FRMD6: variants seen among roughly 807,000 people sequenced by gnomAD.
FRMD6 encodes FERM domain-containing protein 6.
FRMD6 carries 37 observed loss-of-function variants against 73.2 expected under a neutral mutation model. The observed-to-expected ratio is 0.51, with a 90% CI of 0.39 to 0.66. The LOEUF (loss-of-function observed/expected upper bound fraction) is 0.66, where lower values mean the gene tolerates loss of function less well. Among genes scored for constraint, FRMD6 ranks in the 30% least tolerant of loss-of-function variants. The pLI is 0.00. For synonymous variants in FRMD6, 273 were observed against 282.2 expected (o/e 0.97, Z 0.33); for missense variants, 714 against 780.5 (o/e 0.91, Z 1.02).
chr14:51,657,273 A>G (rs1439329214), intron 1 of FRMD6, among the ~76,000 whole-genome samples: 1 of 152,150 alleles, frequency 6.6e-6, no homozygotes, highest in Non-Finnish European at 1.5e-5. Context: ...ATTATACACA[A>G]CCAGACAAAT....
At chr14:51,618,956 C>A (rs1483015452) in intron 2 of FRMD6, among the ~76,000 whole-genome samples, 1 of 149,996 alleles carries the variant, frequency 6.7e-6, no homozygotes, top group African/African-American at 2.4e-5. Context: ...ATAAAGAAGT[C>A]CAGATGATTC....
chr14:51,553,325 A>G (rs913233743), intron 1 of FRMD6, among the ~76,000 whole-genome samples: 2 of 152,226 alleles, frequency 1.3e-5, no homozygotes, highest in African/African-American at 4.8e-5. Context: ...GGATGGGAAC[A>G]TAGCTTTAAT....
the FRMD6 span, among the ~76,000 whole-genome samples, chr14:51,468,965 G>C: frequency 2.6e-5 from 4 of 152,052 alleles, no homozygotes; most frequent in African/African-American, 9.7e-5. Context: ...GTTTGAGATG[G>C]TGTTTTGCTC....
At chr14:51,508,765 T>C (rs1884124245) in intron 1 of FRMD6, among the ~76,000 whole-genome samples, 1 of 152,212 alleles carries the variant, frequency 6.6e-6, no homozygotes, top group Non-Finnish European at 1.5e-5. Flanking sequence ...AATTACAGTC[T>C]CTTGCCTATA....
chr14:51,556,683 G>A (rs1162496425), intron 1 of FRMD6, among the ~76,000 whole-genome samples: 1 of 152,142 alleles, frequency 6.6e-6, no homozygotes, highest in African/African-American at 2.4e-5. Context: ...CCAATTCGTA[G>A]TCCATTCTAG....
chr14:51,708,506 G>A (rs1896761431), intron 7 of FRMD6, among the ~76,000 whole-genome samples: 1 of 152,004 alleles, frequency 6.6e-6, no homozygotes, highest in African/African-American at 2.4e-5. Context: ...GACTTTTTTA[G>A]TGATTATGGC....
chr14:51,669,287 C>T (rs560598274), intron 1 of FRMD6, among the ~76,000 whole-genome samples: 1 of 152,162 alleles, frequency 6.6e-6, no homozygotes, highest in African/African-American at 2.4e-5. Flanking sequence ...ATTCATTTAC[C>T]TGTTAGTGGA....
intron 2 of FRMD6, 170 bp from the exon 3 acceptor site, chr14:51,697,972 A>G: frequency 1.9e-6 from 1 of 537,838 alleles, no homozygotes; most frequent in Non-Finnish European, 3.4e-6. Flanking sequence ...GATCATCATT[A>G]CTGAAACACA....
At chr14:51,419,742 T>G in the FRMD6 span, among the ~76,000 whole-genome samples, 1 of 152,244 alleles carries the variant, frequency 6.6e-6, no homozygotes, top group Non-Finnish European at 1.5e-5. Context: ...TATTTGATTT[T>G]CTTTCAAAGA....
intron 1 of FRMD6, among the ~76,000 whole-genome samples, chr14:51,652,405 CGCGGAGGTCCCCGGATCACAGG>C (rs1892484046): frequency 6.6e-6 from 1 of 152,172 alleles, no homozygotes; most frequent in Non-Finnish European, 1.5e-5. Context: ...TTCTCTGCAT[CGCGGAGGTCCCCGGATCACAGG>C]GCTCCCTGGC....
chr14:51,433,796 CT>C, the FRMD6 span, among the ~76,000 whole-genome samples: 1 of 152,140 alleles, frequency 6.6e-6, no homozygotes, highest in Admixed American at 6.5e-5. Flanking sequence ...GAATGTCCCC[CT>C]CTCCCATTAT....
chr14:51,644,414 C>CTCT lies in FRMD6; in HGVS notation c.-146-45277_-146-45276insTCT, dbSNP rs397718446. ...TCACTCACTCTCTCTCTCTCTCTCTCCCTCCCTGATCTCTACGTGTAATTT... is the reference window on the plus strand; with the variant it reads ...TCACTCACTCTCTCTCTCTCTCTCTCTCTCCTCCCTGATCTCTACGTGTAATTT... On this transcript the variant is annotated intron_variant, in intron 2 of 14. Coordinates refer to the FRMD6 transcript ENST00000356218. Among the ~76,000 whole-genome samples, 1,125 of 150,724 alleles carry CTCT rather than the reference C, an allele frequency of 7.5e-3. 13 individuals are homozygous for CTCT. The highest frequency in any genetic ancestry group is 0.026 in the African/African-American group (1,055 of 41,050).
the FRMD6 span, among the ~76,000 whole-genome samples, chr14:51,405,315 T>A: frequency 6.6e-6 from 1 of 152,184 alleles, no homozygotes; most frequent in South Asian, 2.1e-4. Flanking sequence ...CTGGGTCTAA[T>A]GGTAGTTTTG....
chr14:51,434,396 C>T, the FRMD6 span, among the ~76,000 whole-genome samples: 8 of 152,128 alleles, frequency 5.3e-5, no homozygotes, highest in African/African-American at 1.4e-4. Flanking sequence ...TAGTCTGGAA[C>T]ATCTTGTGAT....
In FRMD6 at chr14:51,728,038, T is replaced by G. The variant is rs1006320373; in HGVS notation, c.*9T>G. On this transcript the variant is annotated 3_prime_UTR_variant, in exon 14 of 14. Coordinates refer to ENST00000344768, the MANE Select transcript of FRMD6 (RefSeq NM_001267046.2). ...CAGAGTTTGTTGTGTAAAGTCCGTCTGTGTGCAGCTGTACAGGCAGCTTAC... is the reference window on the plus strand; with the variant it reads ...CAGAGTTTGTTGTGTAAAGTCCGTCGGTGTGCAGCTGTACAGGCAGCTTAC... 12 of 1,599,216 alleles carry G rather than the reference T, an allele frequency of 7.5e-6. No individual in the cohort carries two copies. Among genetic ancestry groups the G allele is most frequent in the African/African-American group, 1.3e-5 (1 of 74,798 alleles).
chr14:51,550,758 C>T (rs1886778554), intron 1 of FRMD6, among the ~76,000 whole-genome samples: 1 of 152,182 alleles, frequency 6.6e-6, no homozygotes, highest in Admixed American at 6.5e-5. Context: ...TTCATCATGT[C>T]TGTGAAATAC....
chr14:51,494,867 C>T (rs142878129), intron 1 of FRMD6, among the ~76,000 whole-genome samples: 1 of 152,306 alleles, frequency 6.6e-6, no homozygotes, highest in African/African-American at 2.4e-5. Context: ...TGACTAATTT[C>T]CTTGTCAACT....
chr14:51,713,911 G>GT (rs1164841656), intron 9 of FRMD6: 1 of 152,116 alleles, frequency 6.6e-6, no homozygotes, highest in African/African-American at 2.4e-5. Flanking sequence ...GAAATTGAGG[G>GT]TTTTTTAGGG....
upstream of FRMD6, chr14:51,649,999 A>T (rs1267139514): frequency 2.0e-5 from 3 of 152,180 alleles, no homozygotes; most frequent in Non-Finnish European, 4.4e-5. Context: ...TCCCGGCCTC[A>T]AACGATCCTG....
Sources: allele counts gnomAD v4.1 joint callset (sites outside exome capture counted in the v4.1 genomes callset), GRCh38; gene constraint gnomAD v4.1.1; transcripts MANE v1.5; gene names NCBI Gene and HGNC (gene_info 2026-07-23, HGNC 2026-07-21).